ARHGEF3: variants seen among roughly 807,000 people sequenced by gnomAD.
ARHGEF3 encodes 59.8 kDA protein.
In ARHGEF3, 28 loss-of-function variants were observed where a neutral mutation model predicts 63.2. The ratio of observed to expected loss-of-function variants is 0.44; its 90% confidence interval spans 0.33 to 0.61. The LOEUF (loss-of-function observed/expected upper bound fraction) is 0.61, where lower values mean the gene tolerates loss of function less well. Ranked by LOEUF, ARHGEF3 falls within the 20% of genes least tolerant of loss-of-function variation. The pLI, the probability that ARHGEF3 is intolerant of heterozygous loss-of-function variation, is 0.03. For synonymous variants in ARHGEF3, 266 were observed against 254.2 expected (o/e 1.05, Z -0.44); for missense variants, 533 against 659.3 (o/e 0.81, Z 2.10).
intron 4 of ARHGEF3, among the ~76,000 whole-genome samples, chr3:56,838,302 A>G (rs986198411): frequency 6.6e-6 from 1 of 152,218 alleles, no homozygotes; most frequent in African/African-American, 2.4e-5. Context: ...TGCATGGAAG[A>G]ACATAATACT....
At chr3:57,034,945 G>C in intron 2 of ARHGEF3, 1 of 646,406 alleles carries the variant, frequency 1.5e-6, no homozygotes, top group Non-Finnish European at 2.5e-6. Context: ...ACAGGCATGA[G>C]ACACCATGCC....
chr3:56,860,041 GAGAT>G (rs71072201), intron 4 of ARHGEF3, among the ~76,000 whole-genome samples: 48 of 150,376 alleles, frequency 3.2e-4, no homozygotes, highest in South Asian at 1.1e-3. Context: ...GGTCTCAAGA[GAGAT>G]AGATAGATAG....
Position 56,894,601 on chromosome 3 carries a change from G to T in ARHGEF3, c.130-12247C>A, listed in dbSNP as rs769034978. Among the ~76,000 whole-genome samples, 59 of 152,044 alleles carry T rather than the reference G, an allele frequency of 3.9e-4. 1 individual carries two copies. The highest frequency in any genetic ancestry group is 1.3e-4 in the Admixed American group (2 of 15,274). ...ACCCAGGAGTTTGAGACCAGCCTGG[G>T]TGACGTGGCAAGACCCTATCTCTTT... On this transcript the variant is annotated intron_variant, in intron 3 of 12. Coordinates refer to the ARHGEF3 transcript ENST00000338458.
At chr3:56,834,091 G>T (rs1300530910) in intron 4 of ARHGEF3, among the ~76,000 whole-genome samples, 2 of 152,036 alleles carry the variant, frequency 1.3e-5, no homozygotes, top group Non-Finnish European at 2.9e-5. Context: ...TTTTAGTAGA[G>T]ACGGGGTTTC....
chr3:56,859,196 G>A (rs375711138), intron 4 of ARHGEF3, among the ~76,000 whole-genome samples: 2 of 152,096 alleles, frequency 1.3e-5, no homozygotes, highest in African/African-American at 4.8e-5. Flanking sequence ...GGAGTGTAGC[G>A]GTGTGATCTC....
intron 2 of ARHGEF3, among the ~76,000 whole-genome samples, chr3:56,968,253 T>A (rs1485785590): frequency 0.03 from 1,332 of 44,510 alleles, 137 homozygotes; most frequent in Non-Finnish European, 0.048. Flanking sequence ...TATTAATATA[T>A]AATATTTAAA....
At chr3:56,818,598 T>C (rs180908971) in intron 4 of ARHGEF3, among the ~76,000 whole-genome samples, 5 of 152,268 alleles carry the variant, frequency 3.3e-5, no homozygotes, top group East Asian at 1.9e-4. Context: ...ATGCTAACAA[T>C]TGCTTTTGTT....
chr3:57,048,273 T>C (rs989878427), intron 1 of ARHGEF3, among the ~76,000 whole-genome samples: 1 of 152,148 alleles, frequency 6.6e-6, no homozygotes, highest in Non-Finnish European at 1.5e-5. Flanking sequence ...GGAATGAGCA[T>C]TATGGAGCTC....
chr3:56,744,859 C>T (rs2034279807), intron 7 of ARHGEF3, among the ~76,000 whole-genome samples: 1 of 151,038 alleles, frequency 6.6e-6, no homozygotes, highest in Non-Finnish European at 1.5e-5. Flanking sequence ...AGGCAACTTA[C>T]TATTTTCTAA....
At chr3:56,878,051 C>A (rs2040648239) in intron 4 of ARHGEF3, among the ~76,000 whole-genome samples, 1 of 152,110 alleles carries the variant, frequency 6.6e-6, no homozygotes, top group Non-Finnish European at 1.5e-5. Context: ...AACGTATATT[C>A]CTTTTTATTT....
At chr3:56,848,023 C>A (rs1196597744) in intron 4 of ARHGEF3, among the ~76,000 whole-genome samples, 1 of 152,122 alleles carries the variant, frequency 6.6e-6, no homozygotes, top group Non-Finnish European at 1.5e-5. Context: ...ATCACGACTA[C>A]AATAAGCACC....
At chr3:57,018,657 G>A (rs1038108540) in intron 2 of ARHGEF3, among the ~76,000 whole-genome samples, 8 of 152,144 alleles carry the variant, frequency 5.3e-5, no homozygotes, top group Non-Finnish European at 5.9e-5. Context: ...ATTTGGGGGA[G>A]GTTGTGATGC....
At chr3:57,063,660 G>C (rs1209519904) in intron 1 of ARHGEF3, among the ~76,000 whole-genome samples, 1 of 152,164 alleles carries the variant, frequency 6.6e-6, no homozygotes, top group Admixed American at 6.5e-5. Flanking sequence ...CTAGAAGCCA[G>C]GTGAGACAAG....
chr3:56,839,634 CAAA>C (rs1335623144), intron 4 of ARHGEF3, among the ~76,000 whole-genome samples: 3 of 152,058 alleles, frequency 2.0e-5, no homozygotes, highest in Non-Finnish European at 4.4e-5. Context: ...AACAACGAAA[CAAA>C]GAAGAATGAG....
chr3:56,773,374 T>C (rs2036109130), intron 2 of ARHGEF3, among the ~76,000 whole-genome samples: 1 of 152,186 alleles, frequency 6.6e-6, no homozygotes, highest in Non-Finnish European at 1.5e-5. Context: ...CTAGGCTCTG[T>C]TGCCCTCCAG....
At chr3:56,742,493 G>A (rs956839991) in intron 7 of ARHGEF3, among the ~76,000 whole-genome samples, 2 of 152,092 alleles carry the variant, frequency 1.3e-5, no homozygotes, top group African/African-American at 2.4e-5. Context: ...TTTACTTAGC[G>A]CTCTCTGATT....
At chr3:56,905,571 T>C (rs2041657667) in intron 3 of ARHGEF3, among the ~76,000 whole-genome samples, 1 of 152,252 alleles carries the variant, frequency 6.6e-6, no homozygotes, top group Admixed American at 6.5e-5. Flanking sequence ...AGAGACTCTG[T>C]AGCATTAATA....
chr3:56,779,203 T>G (rs60374893), intron 1 of ARHGEF3, among the ~76,000 whole-genome samples: 61,161 of 152,104 alleles, frequency 0.4, 12,898 homozygotes, highest in East Asian at 0.66. Flanking sequence ...TTTATTGCAT[T>G]TTATTCTCTT....
intron 1 of ARHGEF3, among the ~76,000 whole-genome samples, chr3:57,063,677 A>T (rs936555985): frequency 6.6e-6 from 1 of 152,182 alleles, no homozygotes; most frequent in Non-Finnish European, 1.5e-5. Flanking sequence ...CAAGGCTTCG[A>T]GGAAGAGAAA....
Sources: gnomAD v4.1 joint callset for allele counts (sites outside exome capture counted in the v4.1 genomes callset) on GRCh38, gnomAD v4.1.1 for gene constraint, MANE v1.5 for transcripts, NCBI Gene and HGNC (gene_info 2026-07-23, HGNC 2026-07-21) for gene names.